Variants in APC2 observed in about 807,000 individuals in gnomAD.
APC2 encodes the protein adenomatous polyposis coli protein 2.
APC2 carries 41 observed loss-of-function variants against 72.5 expected under a neutral mutation model. That is an observed-to-expected ratio of 0.57 (90% confidence interval 0.44 to 0.73). The LOEUF is 0.73. APC2 is among the 30% of genes least tolerant of loss of function. APC2 has a pLI of 0.00. For synonymous variants in APC2, 1,898 were observed against 1,612.0 expected, an observed-to-expected ratio of 1.18 and a Z score of -4.25; for missense variants, 3,729 against 3,403.4, an observed-to-expected ratio of 1.10 and a Z score of -2.38.
chr19:1,466,705 G>A lies in APC2; in HGVS notation c.3404G>A (p.Arg1135Gln), dbSNP rs748444306. ...CCGGCTCCCCGGCGTAACCGAGGCC[G>A]GGGCCTGGGGGTGGAAGACGCCACG... The part of the protein sequence containing the change: ...AIPAPRRNRG[R>Q]GLGVEDATPS... Residue 1135 changes from arginine (R) to glutamine (Q), a missense_variant, in exon 15 of 15, where the codon CGG becomes CAG. Physicochemically the swap from Arg to Gln is conservative, Grantham distance 43 (BLOSUM62 1). Coordinates refer to ENST00000590469, the MANE Select transcript of APC2 (RefSeq NM_005883.3). 2.8e-5 allele frequency: 43 copies of A among 1,525,474 alleles called. No individual in the cohort carries two copies. Among genetic ancestry groups the A allele is most frequent in the South Asian group, 4.9e-5 (4 of 82,458 alleles). 94.5% of individuals were successfully genotyped at this position (1,525,474 alleles called of 1,614,324 possible).
At chr19:1,457,895 C>CGGGGTGGGG (rs71174372) in intron 9 of APC2, 70 bp from the exon 10 acceptor site, 74 of 1,251,678 alleles carry the variant, frequency 5.9e-5, no homozygotes, top group Non-Finnish European at 7.1e-5. Context: ...GGGCGGGTTG[C>CGGGGTGGGG]GGGACCTTCG....
In APC2 at chr19:1,466,946, G is replaced by A. The variant is rs372936346; in HGVS notation, c.3645G>A (p.Pro1215=). Residue 1215 remains proline (P), a synonymous_variant, in exon 15 of 15, where the codon CCG becomes CCA. Transcript: ENST00000590469. The stretch of plus-strand genomic sequence containing the variant: ...CTCCCAGCCGGAGCAAGACGCCACC[G>A]CTGGCGCCCGCGCCACAGGGTCCCC... ...TMPPSRSKTP[P]LAPAPQGPPE... is the part of the protein sequence containing the mutation. 5.0e-6 allele frequency: 8 copies of A among 1,600,872 alleles called. No homozygotes were observed. The highest frequency in any genetic ancestry group is 6.8e-6 in the Non-Finnish European group (8 of 1,174,250).
chr19:1,459,663 C>T (rs1168559148), intron 10 of APC2, among the ~76,000 whole-genome samples: 1 of 152,170 alleles, frequency 6.6e-6, no homozygotes, highest in African/African-American at 2.4e-5. Flanking sequence ...GACAAGTCCT[C>T]CTCTCCCTCT....
Position 1,457,963 on chromosome 19 carries a change from A to G in APC2, c.1208-2A>G. The G allele has an allele frequency of 6.5e-7, 1 of 1,548,244 alleles. No individual in the cohort carries two copies. ...GCTCTGATCTGGTCCCTGTGCCCACAGCCCCGATCCCCATCGAGCCGCAGA... is the reference window on the plus strand; with the variant it reads ...GCTCTGATCTGGTCCCTGTGCCCACGGCCCCGATCCCCATCGAGCCGCAGA... On this transcript the variant is annotated splice_acceptor_variant, in intron 9 of 14. Transcript: ENST00000590469. LOFTEE classifies it high-confidence loss of function.
At chr19:1,461,900 C>T (rs1449144287) in intron 13 of APC2, 63 bp from the exon 14 acceptor site, 6 of 1,377,788 alleles carry the variant, frequency 4.4e-6, no homozygotes, top group South Asian at 3.8e-5. Context: ...TGAATGTGAG[C>T]GTGGGAGCCT....
At chr19:1,461,270 C>A (rs542150970) in intron 13 of APC2, 117 bp downstream of exon 13, 3 of 898,146 alleles carry the variant, frequency 3.3e-6, no homozygotes, top group Non-Finnish European at 3.5e-6. Context: ...CACTGCTTAG[C>A]GGGTGGTCCA....
At chr19:1,455,282 G>A (rs745764289) in intron 5 of APC2, 25 bp downstream of exon 5, 3 of 1,565,050 alleles carry the variant, frequency 1.9e-6, no homozygotes, top group East Asian at 2.4e-5. Context: ...GAGCCAGGGG[G>A]CAGCGCGCCC....
chr19:1,456,312 C>A lies in APC2; in HGVS notation c.724C>A (p.Leu242Met), dbSNP rs570789768. ...RVQQTEPQAL[L>M]AVKSVPVDED... is the part of the protein sequence containing the mutation. ...CCTGGTGCTCTCCCTGCAGGCCTTG[C>A]TGGCGGTGAAGTCGGTGCCGGTGGA... Residue 242 changes from leucine (L) to methionine (M), a missense_variant, in exon 8 of 15, where the codon CTG (leucine) becomes ATG (methionine). Coordinates refer to ENST00000590469, the MANE Select transcript of APC2 (RefSeq NM_005883.3). The A allele has an allele frequency of 8.3e-5, 133 of 1,607,526 alleles. 2 individuals carry two copies. In the South Asian group the frequency reaches 9.4e-4, roughly 11 times the overall value.
intron 1 of APC2, among the ~76,000 whole-genome samples, chr19:1,450,722 C>T (rs1224462037): frequency 6.6e-6 from 1 of 152,210 alleles, no homozygotes; most frequent in Non-Finnish European, 1.5e-5. Context: ...GCCTCCCTCC[C>T]CTGAAATGCA....
chr19:1,461,109 G>A lies in APC2; in HGVS notation c.1594G>A (p.Gly532Ser), dbSNP rs760433383. 1.2e-6 allele frequency: 2 copies of A among 1,613,062 alleles called. No individual in the cohort carries two copies. The highest frequency in any genetic ancestry group is 8.5e-7 in the Non-Finnish European group (1 of 1,180,026). Residue 532 changes from glycine to serine, a missense_variant, in exon 13 of 15, where the codon GGC (glycine) becomes AGC (serine). Gly to Ser is a moderately conservative substitution (Grantham distance 56). Coordinates refer to ENST00000590469, the MANE Select transcript of APC2 (RefSeq NM_005883.3). ...CAGCAAGAAGGTGCTGAGGGAGGCG[G>A]GCAGCGTGACTGCCCTGGTGCAGTG... is the stretch of plus-strand genomic sequence containing the variant. ...INSKKVLREA[G>S]SVTALVQCVL...
In APC2 at chr19:1,469,606, T is replaced by C; in HGVS notation, c.6305T>C (p.Leu2102Pro). 7.9e-7 allele frequency: 1 copy of C among 1,260,726 alleles called. No individual in the cohort carries two copies. The highest frequency in any genetic ancestry group is 1.0e-6 in the Non-Finnish European group (1 of 993,870). The allele number at this position is 1,260,726 out of a possible 1,614,324, so 78.1% of individuals were successfully genotyped here. Residue 2102 changes from leucine to proline, a missense_variant, in exon 15 of 15, where the codon CTG becomes CCG. By Grantham distance (98) the Leu-to-Pro change is moderately conservative (BLOSUM62 -3). Coordinates refer to ENST00000590469, the MANE Select transcript of APC2 (RefSeq NM_005883.3). ...GAGACTGTCAAGCGCTACGCGTCGC[T>C]GCCGCACATCAGCGTGGCCCGCAGG... ...RPETVKRYAS[L>P]PHISVARRPD... is the part of the protein sequence containing the mutation.
At chr19:1,453,722 G>A (rs12976522) in intron 4 of APC2, 111 bp downstream of exon 4, 46,047 of 1,366,628 alleles carry the variant, frequency 0.034, 898 homozygotes, top group Non-Finnish European at 0.037. Context: ...CACCTCACAC[G>A]CCCCACCCAC....
At chr19:1,449,074 T>G (rs996777186), upstream of APC2, among the ~76,000 whole-genome samples, 1 of 152,114 alleles carries the variant, frequency 6.6e-6, no homozygotes, top group African/African-American at 2.4e-5. Flanking sequence ...TCCCTTGCCT[T>G]TGTCTACGGG....
In APC2 at chr19:1,467,456, G is replaced by A. The variant is rs746839382; in HGVS notation, c.4155G>A (p.Glu1385=). 34 of 1,472,162 alleles carry A rather than the reference G, an allele frequency of 2.3e-5. No individual in the cohort carries two copies. In the East Asian group the frequency reaches 8.2e-4, roughly 36 times the overall value. 91.2% of individuals were successfully genotyped at this position (1,472,162 alleles called of 1,614,324 possible). The change falls in exon 15 of 15, where the codon GAG becomes GAA. Residue 1385 remains glutamate (E), a synonymous_variant. Transcript: ENST00000590469. ...TGCCCGCCCCGGCCCCGGCCCAGGA[G>A]GACGACTCCTGCACTGACTCCGCGG... is the stretch of plus-strand genomic sequence containing the variant. ...MLVPAPAPAQ[E]DDSCTDSAEG...
upstream of APC2, among the ~76,000 whole-genome samples, chr19:1,448,486 C>T (rs559357504): frequency 6.2e-5 from 9 of 146,224 alleles, no homozygotes; most frequent in African/African-American, 2.0e-4. Flanking sequence ...GCGGAGGTTG[C>T]GGTGAGCCGA....
At chr19:1,446,811 C>T (rs557799321), upstream of APC2, among the ~76,000 whole-genome samples, 14 of 152,246 alleles carry the variant, frequency 9.2e-5, no homozygotes, top group Non-Finnish European at 1.3e-4. This position sits in a 1 kb window ranked among gnomAD's most constrained non-coding sequence, Gnocchi z 6.1. Context: ...CTTTGACGTT[C>T]GCCGCCGCTG....
chr19:1,448,410 G>T (rs1400819472), upstream of APC2, among the ~76,000 whole-genome samples: 1 of 152,070 alleles, frequency 6.6e-6, no homozygotes, highest in African/African-American at 2.4e-5. Context: ...AGCTGGCAAG[G>T]TGGTACATGC....
In APC2 at chr19:1,457,206, C is replaced by T; in HGVS notation, c.1170C>T (p.Ala390=). The stretch of plus-strand genomic sequence containing the variant: ...AGACCTGCTGGGACTGGCTGCAGGC[C>T]CGAGACGGCGGGCCCGAGGGAGGTG... ...YCETCWDWLQ[A]RDGGPEGGGA... The change falls in exon 9 of 15, where the codon GCC becomes GCT. Residue 390 remains alanine, a synonymous_variant. Coordinates refer to ENST00000590469, the MANE Select transcript of APC2 (RefSeq NM_005883.3). 1.9e-6 allele frequency: 3 copies of T among 1,552,294 alleles called. No individual in the cohort carries two copies. Among genetic ancestry groups the T allele is most frequent in the Non-Finnish European group, 2.6e-6 (3 of 1,151,724 alleles).
Position 1,465,620 on chromosome 19 carries a change from C to A in APC2, c.2319C>A (p.Ser773=), listed in dbSNP as rs778304336. ...ACGGCCTGGCCCAAGACTATGCTTC[C>A]GATTCGGGCTGCTTTGACGACGACG... ...HLDGLAQDYA[S]DSGCFDDDDA... is the part of the protein sequence containing the mutation. Residue 773 remains serine, a synonymous_variant, in exon 15 of 15, where the codon TCC becomes TCA. Transcript: ENST00000590469. 1.2e-6 allele frequency: 2 copies of A among 1,601,432 alleles called. No individual in the cohort carries two copies. Among genetic ancestry groups the A allele is most frequent in the East Asian group, 4.5e-5 (2 of 44,078 alleles).
Sources: gnomAD v4.1 joint callset for allele counts (sites outside exome capture counted in the v4.1 genomes callset) on GRCh38, gnomAD v4.1.1 for gene constraint, Gnocchi (gnomAD v3.1) non-coding constraint, MANE v1.5 for transcripts, NCBI Gene and HGNC (gene_info 2026-07-23, HGNC 2026-07-21) for gene names.